Variants in PTPRZ1 observed in about 807,000 individuals in gnomAD.
PTPRZ1 encodes receptor-type tyrosine-protein phosphatase zeta.
PTPRZ1 carries 82 observed loss-of-function variants against 214.1 expected under a neutral mutation model. That is an observed-to-expected ratio of 0.38 (90% confidence interval 0.32 to 0.46). PTPRZ1 has a LOEUF of 0.46. Ranked by LOEUF, PTPRZ1 falls within the 20% of genes least tolerant of loss-of-function variation. The probability of loss-of-function intolerance (pLI) is 1.00; values close to 1 mark genes in which losing one functional copy is unlikely to be tolerated. For missense variants in PTPRZ1, 2,603 were observed against 2,748.7 expected (o/e 0.95, Z 1.19); for synonymous variants, 945 against 987.9 (o/e 0.96, Z 0.81).
intron 13 of PTPRZ1, 150 bp downstream of exon 13, chr7:122,019,418 C>A: frequency 1.3e-6 from 1 of 772,258 alleles, no homozygotes; most frequent in Non-Finnish European, 2.1e-6. Context: ...AATCCAAAGG[C>A]ACAATAATGA....
chr7:122,042,630 A>T lies in PTPRZ1; in HGVS notation c.5824A>T (p.Thr1942Ser). 6.2e-7 allele frequency: 1 copy of T among 1,608,362 alleles called. No homozygotes were observed. Among genetic ancestry groups the T allele is most frequent in the Non-Finnish European group, 8.5e-7 (1 of 1,175,912 alleles). The part of the protein sequence containing the change: ...HCSAGVGRTG[T>S]YIVLDSMLQQ... Reference sequence around the variant, plus strand: ...CAGTGCTGGAGTTGGAAGAACAGGCACATATATTGTGCTAGACAGTATGTT... The same window carrying T: ...CAGTGCTGGAGTTGGAAGAACAGGCTCATATATTGTGCTAGACAGTATGTT... The change falls in exon 22 of 30, where the codon ACA becomes TCA. Residue 1942 changes from threonine to serine, a missense_variant. Around this residue, in one of 6 missense-constraint regions of PTPRZ1, gnomAD observed 1,913 missense variants for 1,914.3 expected, o/e 1.00. Transcript: ENST00000393386.
chr7:121,988,905 T>A (rs1302003486), intron 8 of PTPRZ1, among the ~76,000 whole-genome samples: 1 of 152,182 alleles, frequency 6.6e-6, no homozygotes, highest in African/African-American at 2.4e-5. Flanking sequence ...AGGATTAGCA[T>A]GTGTGTACAG....
chr7:122,047,874 G>A (rs1024491999), intron 23 of PTPRZ1, among the ~76,000 whole-genome samples: 4 of 151,970 alleles, frequency 2.6e-5, no homozygotes, highest in Admixed American at 1.3e-4. Context: ...AGATGGTTTC[G>A]AACTCCTGAG....
intron 13 of PTPRZ1, among the ~76,000 whole-genome samples, chr7:122,027,773 T>C (rs1417922516): frequency 1.2e-4 from 18 of 152,182 alleles, no homozygotes; most frequent in Admixed American, 1.0e-3. Context: ...ACTCTTATTA[T>C]CCGAATGAAA....
intron 4 of PTPRZ1, among the ~76,000 whole-genome samples, chr7:121,974,372 C>T (rs1395972432): frequency 6.6e-6 from 1 of 152,166 alleles, no homozygotes; most frequent in Non-Finnish European, 1.5e-5. Flanking sequence ...ATTCTATCAA[C>T]AAGAGCCCTG....
intron 1 of PTPRZ1, among the ~76,000 whole-genome samples, chr7:121,926,405 G>A (rs1795765206): frequency 2.0e-5 from 3 of 151,870 alleles, no homozygotes; most frequent in African/African-American, 7.3e-5. Context: ...CTAAAGTTTA[G>A]TCAAACCAAG....
chr7:122,043,983 G>T (rs1402488099), intron 22 of PTPRZ1, among the ~76,000 whole-genome samples: 1 of 152,144 alleles, frequency 6.6e-6, no homozygotes, highest in Non-Finnish European at 1.5e-5. Flanking sequence ...AAATATCAGA[G>T]AACTATTAAC....
rs375706026 is a variant in PTPRZ1, at chr7:122,012,821, G to A, written c.3775G>A (p.Gly1259Ser). Residue 1259 changes from glycine (G) to serine (S), a missense_variant, in exon 12 of 30, where the codon GGT becomes AGT. Gly to Ser is a moderately conservative substitution (Grantham distance 56). Around this residue, in one of 6 missense-constraint regions of PTPRZ1, gnomAD observed 1,913 missense variants for 1,914.3 expected, o/e 1.00. Transcript: ENST00000393386. ...TSHMHSASLQGLTISYASEKY... is the reference protein window; with the variant it reads ...TSHMHSASLQSLTISYASEKY... ...TCATATGCACTCTGCTTCACTTCAA[G>A]GTTTGACCATTTCCTATGCAAGTGA... 1 of 1,612,540 alleles carries A rather than the reference G, an allele frequency of 6.2e-7. No homozygotes were observed. The highest frequency in any genetic ancestry group is 8.5e-7 in the Non-Finnish European group (1 of 1,178,662).
At chr7:121,937,402 A>C (rs769847614) in intron 2 of PTPRZ1, among the ~76,000 whole-genome samples, 1 of 152,136 alleles carries the variant, frequency 6.6e-6, no homozygotes, top group Non-Finnish European at 1.5e-5. Context: ...CAGGAGGAGC[A>C]GGTTCCCAGT....
chr7:122,009,086 G>A (rs1016653597), intron 11 of PTPRZ1, among the ~76,000 whole-genome samples: 1 of 152,088 alleles, frequency 6.6e-6, no homozygotes, highest in African/African-American at 2.4e-5. Flanking sequence ...ATCTGAGAGA[G>A]TAGCCATTTT....
chr7:122,027,699 C>G (rs1259605773), intron 13 of PTPRZ1, among the ~76,000 whole-genome samples: 1 of 152,124 alleles, frequency 6.6e-6, no homozygotes, highest in Non-Finnish European at 1.5e-5. Flanking sequence ...GTTGGCTTTA[C>G]TTTATAGCAG....
rs943802681 is a variant in PTPRZ1, at chr7:122,010,397, A to G, written c.1351A>G (p.Thr451Ala). Residue 451 changes from threonine (T) to alanine (A), a missense_variant, in exon 12 of 30, where the codon ACA becomes GCA. Around this residue, in one of 6 missense-constraint regions of PTPRZ1, gnomAD observed 1,913 missense variants for 1,914.3 expected, o/e 1.00. Transcript: ENST00000393386. Reference sequence around the variant, plus strand: ...TGTGAATCCTGGTAGAGACAGTGCTACAAACCAAATCAGGAAAAAGGAACC... The same window carrying G: ...TGTGAATCCTGGTAGAGACAGTGCTGCAAACCAAATCAGGAAAAAGGAACC... ...AIVNPGRDSA[T>A]NQIRKKEPQI... is the part of the protein sequence containing the mutation. The G allele has an allele frequency of 6.2e-7, 1 of 1,614,076 alleles. No individual in the cohort carries two copies. The highest frequency in any genetic ancestry group is 8.5e-7 in the Non-Finnish European group (1 of 1,179,956).
At chr7:121,978,648 A>G (rs1563047729) in intron 6 of PTPRZ1, among the ~76,000 whole-genome samples, 1 of 152,116 alleles carries the variant, frequency 6.6e-6, no homozygotes. Flanking sequence ...GGGGATTACA[A>G]TTTGGATTAC....
chr7:122,029,027 GA>G, intron 14 of PTPRZ1, among the ~76,000 whole-genome samples: 1 of 150,630 alleles, frequency 6.6e-6, no homozygotes, highest in East Asian at 1.9e-4. Context: ...ATGTGGATGG[GA>G]AAAAAATGAC....
chr7:122,050,156 T>C (rs1792124517), intron 23 of PTPRZ1, among the ~76,000 whole-genome samples: 1 of 151,582 alleles, frequency 6.6e-6, no homozygotes, highest in Non-Finnish European at 1.5e-5. Context: ...GAAAAGAAAA[T>C]ATTGGGTTGG....
chr7:121,999,578 T>C (rs1441358007), intron 10 of PTPRZ1, among the ~76,000 whole-genome samples: 1 of 152,218 alleles, frequency 6.6e-6, no homozygotes, highest in Admixed American at 6.5e-5. Context: ...TTTTGTTACC[T>C]TGGTTTAATT....
At chr7:122,048,732 A>G (rs1288588123) in intron 23 of PTPRZ1, among the ~76,000 whole-genome samples, 1 of 152,206 alleles carries the variant, frequency 6.6e-6, no homozygotes, top group East Asian at 1.9e-4. Context: ...CATTAAGGAA[A>G]TCAAATCAGC....
At chr7:122,047,344 G>T (rs937606939) in intron 23 of PTPRZ1, among the ~76,000 whole-genome samples, 22 of 152,024 alleles carry the variant, frequency 1.4e-4, no homozygotes, top group African/African-American at 5.1e-4. Context: ...AGATTTGGGG[G>T]TTGTTTATTT....
At chr7:121,924,069 A>T (rs1268037926) in intron 1 of PTPRZ1, among the ~76,000 whole-genome samples, 1 of 152,146 alleles carries the variant, frequency 6.6e-6, no homozygotes, top group African/African-American at 2.4e-5. Flanking sequence ...ATTTTCTTGT[A>T]TATCATGTGA....
Sources: gnomAD v4.1 joint callset for allele counts (sites outside exome capture counted in the v4.1 genomes callset) on GRCh38, gnomAD v4.1.1 for gene constraint, gnomAD v4.1.1 regional missense constraint, MANE v1.5 for transcripts, NCBI Gene and HGNC (gene_info 2026-07-23, HGNC 2026-07-21) for gene names.